SOX6: variants seen among roughly 807,000 people sequenced by gnomAD.
The protein encoded by SOX6 is SRY-box transcription factor 6, also known as transcription factor SOX-6.
Under a neutral mutation model 97.8 loss-of-function variants are expected in SOX6, and 11 were observed. The ratio of observed to expected loss-of-function variants is 0.11; its 90% CI spans 0.07 to 0.19. The LOEUF is 0.19. Ranked by LOEUF, SOX6 falls within the 10% of genes least tolerant of loss-of-function variation. The pLI is 1.00. For missense variants in SOX6, 810 were observed against 1,039.5 expected (o/e 0.78, Z 3.04); for synonymous variants, 360 against 371.4 (o/e 0.97, Z 0.35).
intron 12 of SOX6, among the ~76,000 whole-genome samples, chr11:16,038,751 G>C (rs896167147): frequency 2.0e-5 from 3 of 152,026 alleles, no homozygotes; most frequent in African/African-American, 7.2e-5. Flanking sequence ...TGTGTCTGTG[G>C]AATAAAGTGC....
chr11:15,978,042 C>T (rs1262235077), intron 15 of SOX6, among the ~76,000 whole-genome samples: 5 of 152,058 alleles, frequency 3.3e-5, no homozygotes, highest in African/African-American at 1.2e-4. Context: ...TCTGCTTGTG[C>T]ACTGAAACTA....
At chr11:16,308,081 T>C (rs973709547) in intron 3 of SOX6, among the ~76,000 whole-genome samples, 10 of 152,170 alleles carry the variant, frequency 6.6e-5, no homozygotes, top group African/African-American at 2.4e-4. Context: ...GCCACAGCCT[T>C]GAAGCCATGG....
At position 16,092,324 on chromosome 11, in the gene SOX6, A is replaced by G. The variant is rs146481434; in HGVS notation, c.1101+3672T>C. 1.4e-4 allele frequency among the ~76,000 whole-genome samples: 22 copies of G among 152,118 alleles called. No homozygotes were observed. The East Asian group carries it at 3.9e-3, about 27-fold the overall frequency. ...AAGAATAACCCTATTATTTGATGCT[A>G]AGAAAAAGAACTGATACGCTTCCTT... On this transcript the variant is annotated intron_variant, in intron 9 of 15. Coordinates refer to ENST00000683767, the MANE Select transcript of SOX6 (RefSeq NM_001367873.1).
chr11:16,225,922 T>C (rs1397333490), intron 4 of SOX6, among the ~76,000 whole-genome samples: 3 of 152,196 alleles, frequency 2.0e-5, no homozygotes, highest in Non-Finnish European at 4.4e-5. Flanking sequence ...CTATTTGATG[T>C]ATGCAGTTCC....
At chr11:16,471,364 G>A (rs2133115959) in intron 1 of SOX6, among the ~76,000 whole-genome samples, 1 of 152,196 alleles carries the variant, frequency 6.6e-6, no homozygotes, top group South Asian at 2.1e-4. Context: ...GATTTGAGTA[G>A]CTAAGATTCC....
At chr11:16,100,794 G>C (rs763165385) in intron 7 of SOX6, among the ~76,000 whole-genome samples, 35 of 150,760 alleles carry the variant, frequency 2.3e-4, no homozygotes, top group Middle Eastern at 3.4e-3. Flanking sequence ...GTAAAAGTCT[G>C]TCAATTTACT....
chr11:16,338,751 T>C (rs963523661), intron 2 of SOX6, among the ~76,000 whole-genome samples: 4 of 152,032 alleles, frequency 2.6e-5, no homozygotes, highest in Non-Finnish European at 5.9e-5. Flanking sequence ...TCTTTTACAT[T>C]AATATTTAAC....
At chr11:16,519,581 A>G (rs1590231180) in intron 4 of SOX6, among the ~76,000 whole-genome samples, 1 of 151,954 alleles carries the variant, frequency 6.6e-6, no homozygotes, top group Non-Finnish European at 1.5e-5. Flanking sequence ...TATACACCAC[A>G]TTTTCTTTAT....
chr11:16,281,600 A>C (rs1854567203), intron 3 of SOX6, among the ~76,000 whole-genome samples: 2 of 152,060 alleles, frequency 1.3e-5, no homozygotes, highest in South Asian at 4.1e-4. Context: ...GTAATCAATA[A>C]CATACGTATT....
intron 6 of SOX6, among the ~76,000 whole-genome samples, chr11:16,178,924 T>C (rs1040110743): frequency 6.6e-6 from 1 of 151,856 alleles, no homozygotes; most frequent in Non-Finnish European, 1.5e-5. Context: ...AGACAATAAA[T>C]GGAAGGTGCA....
intron 9 of SOX6, among the ~76,000 whole-genome samples, chr11:16,072,069 T>C (rs1300715941): frequency 1.3e-5 from 2 of 152,160 alleles, no homozygotes; most frequent in African/African-American, 4.8e-5. Flanking sequence ...ACCCCAGCAA[T>C]GGTTCTTAAC....
chr11:16,571,580 A>G (rs1847938533), intron 4 of SOX6, among the ~76,000 whole-genome samples: 1 of 152,062 alleles, frequency 6.6e-6, no homozygotes, highest in Non-Finnish European at 1.5e-5. Flanking sequence ...ACAAGCATGC[A>G]ACACTGTACC....
At chr11:16,237,999 C>T (rs1853076560) in intron 3 of SOX6, among the ~76,000 whole-genome samples, 1 of 151,776 alleles carries the variant, frequency 6.6e-6, no homozygotes, top group Non-Finnish European at 1.5e-5. Flanking sequence ...AGTCATAATG[C>T]TAAAGTAGCA....
chr11:16,591,518 T>C (rs1231497054), intron 4 of SOX6, among the ~76,000 whole-genome samples: 1 of 152,124 alleles, frequency 6.6e-6, no homozygotes, highest in Admixed American at 6.6e-5. Flanking sequence ...AAAGAATATT[T>C]TGAAAACATG....
chr11:16,178,316 T>G (rs1851253178), intron 6 of SOX6, among the ~76,000 whole-genome samples: 1 of 151,974 alleles, frequency 6.6e-6, no homozygotes, highest in African/African-American at 2.4e-5. Flanking sequence ...ACCCAGAAAC[T>G]TTATTATTAA....
rs1222826891 is a variant in SOX6 at position 16,399,308 on chromosome 11, ATAACT to A, written c.-4-58061_-4-58057del. On this transcript the variant is annotated intron_variant, in intron 1 of 15. Coordinates refer to the SOX6 transcript ENST00000396356. ...AAAAGATTATAATTAACATCCATAG[ATAACT>A]TAAAGCAGTAATATTTTTATTGTTT... 7.9e-5 allele frequency among the ~76,000 whole-genome samples: 12 copies of A among 151,344 alleles called. No homozygotes were observed. The East Asian group carries it at 1.6e-3, about 20-fold the overall frequency.
At chr11:16,475,469 T>C (rs1413673909) in intron 1 of SOX6, among the ~76,000 whole-genome samples, 1 of 152,158 alleles carries the variant, frequency 6.6e-6, no homozygotes, top group African/African-American at 2.4e-5. Flanking sequence ...ATTTCAATAT[T>C]GTTGTGCCTC....
intron 3 of SOX6, among the ~76,000 whole-genome samples, chr11:16,641,691 G>A (rs962811067): frequency 1.2e-4 from 19 of 152,098 alleles, no homozygotes; most frequent in Non-Finnish European, 2.8e-4. Flanking sequence ...GATCTTTGTT[G>A]GTTTAAAGTC....
chr11:16,704,232 A>T (rs1203296008), intron 3 of SOX6, among the ~76,000 whole-genome samples: 12 of 152,194 alleles, frequency 7.9e-5, no homozygotes, highest in Non-Finnish European at 5.9e-5. Context: ...ACTTTGTTTC[A>T]AGAATTACAA....
Sources: allele counts gnomAD v4.1 joint callset (sites outside exome capture counted in the v4.1 genomes callset), GRCh38; gene constraint gnomAD v4.1.1; transcripts MANE v1.5; gene names NCBI Gene and HGNC (gene_info 2026-07-23, HGNC 2026-07-21).